Variants in SLC35F1 observed in about 807,000 individuals in gnomAD.
The protein encoded by SLC35F1 is solute carrier family 35 member F1.
Under a neutral mutation model 48.7 loss-of-function variants are expected in SLC35F1, and 14 were observed. The observed-to-expected ratio is 0.29, with a 90% CI of 0.19 to 0.45. The LOEUF is 0.45. Ranked by LOEUF, SLC35F1 falls within the 20% of genes least tolerant of loss-of-function variation. The pLI is 1.00. For synonymous variants in SLC35F1, 190 were observed against 202.2 expected, an observed-to-expected ratio of 0.94 and a Z score of 0.51; for missense variants, 404 against 500.0, an observed-to-expected ratio of 0.81 and a Z score of 1.83.
intron 2 of SLC35F1, among the ~76,000 whole-genome samples, chr6:118,162,716 G>C (rs1448292832): frequency 6.6e-6 from 1 of 152,134 alleles, no homozygotes; most frequent in East Asian, 1.9e-4. Flanking sequence ...CATCCTTTTA[G>C]ACAACAAGAA....
At chr6:118,147,345 G>C (rs1282960441) in intron 1 of SLC35F1, among the ~76,000 whole-genome samples, 1 of 152,140 alleles carries the variant, frequency 6.6e-6, no homozygotes, top group Non-Finnish European at 1.5e-5. Flanking sequence ...GAGATACACA[G>C]CCTGGGCATC....
At chr6:117,988,115 G>A (rs111990729) in intron 1 of SLC35F1, among the ~76,000 whole-genome samples, 1 of 152,280 alleles carries the variant, frequency 6.6e-6, no homozygotes, top group African/African-American at 2.4e-5. Flanking sequence ...ACTCCACAAA[G>A]CCAGGGATTG....
chr6:118,268,325 C>T (rs1775803575), intron 4 of SLC35F1, among the ~76,000 whole-genome samples: 1 of 151,306 alleles, frequency 6.6e-6, no homozygotes, highest in African/African-American at 2.4e-5. Flanking sequence ...GAGAGACAGC[C>T]TCAGCCTCAC....
rs1562238845 is a variant in SLC35F1 at position 117,923,707 on chromosome 6, G to GTATATA, written c.173+15810_173+15811insTATATA. Among the ~76,000 whole-genome samples the GTATATA allele has an allele frequency of 2.6e-3, 147 of 57,228 alleles. 27 individuals are homozygous for GTATATA. Among genetic ancestry groups the GTATATA allele is most frequent in the African/African-American group, 3.7e-3 (53 of 14,278 alleles). The allele number at this position is 57,228 out of a possible 152,430, so 37.5% of individuals were successfully genotyped here. A position where few individuals can be genotyped will look rare whatever the true frequency, so the allele number is the denominator to read the frequency against. ...TATACATATGTACATATACATATAT[G>GTATATA]TACATATATACATATATACATATGT... is the stretch of plus-strand genomic sequence containing the variant. On this transcript the variant is annotated intron_variant, in intron 1 of 7. Transcript: ENST00000360388.
intron 1 of SLC35F1, among the ~76,000 whole-genome samples, chr6:118,037,683 G>A (rs1582632105): frequency 6.6e-6 from 1 of 152,098 alleles, no homozygotes; most frequent in African/African-American, 2.4e-5. Context: ...GGAATACTAT[G>A]CAGCCATAAA....
At chr6:118,163,587 G>A (rs374592709) in intron 2 of SLC35F1, among the ~76,000 whole-genome samples, 1 of 152,130 alleles carries the variant, frequency 6.6e-6, no homozygotes, top group Non-Finnish European at 1.5e-5. Flanking sequence ...AGTCCATGTT[G>A]ACTGTTAATT....
intron 1 of SLC35F1, among the ~76,000 whole-genome samples, chr6:118,130,878 G>A (rs1773699910): frequency 6.6e-6 from 1 of 152,164 alleles, no homozygotes; most frequent in Non-Finnish European, 1.5e-5. Context: ...ATAAGGAAGG[G>A]AGAAATGATG....
At chr6:118,269,340 C>G (rs1775821014) in intron 4 of SLC35F1, among the ~76,000 whole-genome samples, 1 of 152,204 alleles carries the variant, frequency 6.6e-6, no homozygotes, top group Non-Finnish European at 1.5e-5. Context: ...TTGTGATATA[C>G]AAAGCATCAG....
At chr6:117,997,780 A>T (rs887485280) in intron 1 of SLC35F1, among the ~76,000 whole-genome samples, 1 of 152,230 alleles carries the variant, frequency 6.6e-6, no homozygotes, top group Non-Finnish European at 1.5e-5. Flanking sequence ...GGAAGTACTA[A>T]ACATGGAAAG....
At chr6:118,237,013 A>G (rs1775374081) in intron 3 of SLC35F1, among the ~76,000 whole-genome samples, 1 of 152,192 alleles carries the variant, frequency 6.6e-6, no homozygotes, top group East Asian at 1.9e-4. Context: ...ATCCTCTCCA[A>G]GATGAAAAAG....
chr6:117,910,910 C>T (rs1341824551), intron 1 of SLC35F1, among the ~76,000 whole-genome samples: 3 of 152,164 alleles, frequency 2.0e-5, no homozygotes, highest in Non-Finnish European at 4.4e-5. Context: ...GAGAATTGCT[C>T]ATCAATAATT....
intron 2 of SLC35F1, among the ~76,000 whole-genome samples, chr6:118,198,940 T>C (rs1774837076): frequency 6.6e-6 from 1 of 152,170 alleles, no homozygotes; most frequent in South Asian, 2.1e-4. Flanking sequence ...AGCAACGTTA[T>C]GACTCACAGA....
At chr6:118,144,354 G>A (rs1001466426) in intron 1 of SLC35F1, among the ~76,000 whole-genome samples, 6 of 151,800 alleles carry the variant, frequency 4.0e-5, no homozygotes, top group Admixed American at 1.3e-4. Context: ...ACCAAACACA[G>A]CATGTTCTCA....
intron 1 of SLC35F1, among the ~76,000 whole-genome samples, chr6:117,945,643 T>C (rs1776286795): frequency 6.6e-6 from 1 of 152,342 alleles, no homozygotes; most frequent in East Asian, 1.9e-4. Flanking sequence ...TTTTTAGACC[T>C]GCAAGTAAAG....
intron 3 of SLC35F1, among the ~76,000 whole-genome samples, chr6:118,240,020 C>T (rs534092960): frequency 6.6e-6 from 1 of 152,308 alleles, no homozygotes; most frequent in South Asian, 2.1e-4. Context: ...ACAATTTTCC[C>T]TTGTTTCTAT....
intron 7 of SLC35F1, among the ~76,000 whole-genome samples, chr6:118,297,622 TTA>T (rs1260418816): frequency 8.3e-5 from 8 of 96,926 alleles, no homozygotes; most frequent in Non-Finnish European, 1.3e-4. Flanking sequence ...TTCTCAGAAC[TTA>T]TATATATATA....
At chr6:117,945,954 C>A (rs1776290383) in intron 1 of SLC35F1, among the ~76,000 whole-genome samples, 1 of 152,222 alleles carries the variant, frequency 6.6e-6, no homozygotes, top group Non-Finnish European at 1.5e-5. Context: ...TTGTTAAAAT[C>A]ATGAGCATTT....
chr6:118,225,586 G>T (rs1044764727), intron 2 of SLC35F1, among the ~76,000 whole-genome samples: 1 of 152,194 alleles, frequency 6.6e-6, no homozygotes, highest in Non-Finnish European at 1.5e-5. Context: ...TCTAGGCAAA[G>T]ATTTTTTCGT....
chr6:117,966,287 C>G (rs767096067), intron 1 of SLC35F1, among the ~76,000 whole-genome samples: 2 of 152,158 alleles, frequency 1.3e-5, no homozygotes, highest in Admixed American at 6.5e-5. Flanking sequence ...GTAACACTCA[C>G]GGCAAAGGTC....
Sources: gnomAD v4.1 joint callset for allele counts (sites outside exome capture counted in the v4.1 genomes callset) on GRCh38, gnomAD v4.1.1 for gene constraint, MANE v1.5 for transcripts, NCBI Gene and HGNC (gene_info 2026-07-23, HGNC 2026-07-21) for gene names.